KCNK9: variants seen among roughly 807,000 people sequenced by gnomAD.
The protein encoded by KCNK9 is potassium two pore domain channel subfamily K member 9.
In KCNK9, 1 loss-of-function variant was observed where a neutral mutation model predicts 10.8. The observed-to-expected ratio is 0.09, with a 90% CI of 0.03 to 0.44. KCNK9 has a LOEUF of 0.44. KCNK9 is among the 20% of genes least tolerant of loss of function. The probability of loss-of-function intolerance (pLI) is 0.97; values close to 1 mark genes in which losing one functional copy is unlikely to be tolerated. For missense variants in KCNK9, 303 were observed against 515.0 expected, an observed-to-expected ratio of 0.59 and a Z score of 3.98; for synonymous variants, 231 against 222.7, an observed-to-expected ratio of 1.04 and a Z score of -0.33.
chr8:139,608,644 G>C (rs915337047), downstream of KCNK9, among the ~76,000 whole-genome samples: 6 of 152,146 alleles, frequency 3.9e-5, no homozygotes, highest in Admixed American at 2.0e-4. Context: ...CGGGGTGGGG[G>C]TGTACCTGCG....
In KCNK9 at chr8:139,644,723, C is replaced by G. The variant is rs373322663; in HGVS notation, c.284-25624G>C. On this transcript the variant is annotated intron_variant, in intron 1 of 1. Coordinates refer to ENST00000520439, the MANE Select transcript of KCNK9 (RefSeq NM_001282534.2). ...GGGGTGCTCCTGCCCTGTCCCCCCC[C>G]CCCAGAGCCTCCCACTGCCCTCTGG... 9.3e-3 allele frequency among the ~76,000 whole-genome samples: 1,393 copies of G among 150,364 alleles called. 25 individuals carry two copies. The highest frequency in any genetic ancestry group is 0.032 in the African/African-American group (1,296 of 41,098).
chr8:139,671,808 G>A (rs1816434039), intron 1 of KCNK9, among the ~76,000 whole-genome samples: 1 of 152,094 alleles, frequency 6.6e-6, no homozygotes, highest in African/African-American at 2.4e-5. Context: ...TGATCCACCT[G>A]CCTCAGCCTC....
At chr8:139,606,300 T>G (rs1422397659) in intron 2 of KCNK9, among the ~76,000 whole-genome samples, 1 of 152,104 alleles carries the variant, frequency 6.6e-6, no homozygotes, top group South Asian at 2.1e-4. Context: ...AGGCCTCCGG[T>G]AGCATCTTCA....
downstream of KCNK9, among the ~76,000 whole-genome samples, chr8:139,615,026 T>A (rs1814538201): frequency 6.6e-6 from 1 of 152,190 alleles, no homozygotes; most frequent in Non-Finnish European, 1.5e-5. Flanking sequence ...CCTTGCTGAA[T>A]GGGCATGGTT....
Position 139,669,776 on chromosome 8 carries a change from A to G in KCNK9, c.283+32934T>C, listed in dbSNP as rs570769198. Among the ~76,000 whole-genome samples, 20 of 151,290 alleles carry G rather than the reference A, an allele frequency of 1.3e-4. No homozygotes were observed. In the East Asian group the frequency reaches 3.3e-3, roughly 25 times the overall value. ...ATATGGAATGGTATATTCCTTCTAA[A>G]AGGTTTTCTATTTACTTTGCCGAGA... On this transcript the variant is annotated intron_variant, in intron 1 of 1. Transcript: ENST00000520439.
chr8:139,665,517 C>T (rs1816275718), intron 1 of KCNK9, among the ~76,000 whole-genome samples: 1 of 152,236 alleles, frequency 6.6e-6, no homozygotes, highest in African/African-American at 2.4e-5. Context: ...TGGAAGGTAA[C>T]ATCCACAGAT....
intron 1 of KCNK9, among the ~76,000 whole-genome samples, chr8:139,641,256 A>G (rs1586655429): frequency 6.6e-6 from 1 of 152,082 alleles, no homozygotes; most frequent in Non-Finnish European, 1.5e-5. Flanking sequence ...TTGCAGCTGC[A>G]CCCAGCACCC....
chr8:139,647,467 G>A (rs1023350590), intron 1 of KCNK9, among the ~76,000 whole-genome samples: 8 of 152,218 alleles, frequency 5.3e-5, no homozygotes, highest in Non-Finnish European at 1.2e-4. Flanking sequence ...GACAGTGCAT[G>A]CCCAGCATGA....
At chr8:139,670,656 T>C (rs760130275) in intron 1 of KCNK9, among the ~76,000 whole-genome samples, 2 of 152,110 alleles carry the variant, frequency 1.3e-5, no homozygotes, top group Admixed American at 6.5e-5. Context: ...AAAAGACAAA[T>C]ATATTTGAAA....
At chr8:139,665,100 C>A (rs891900846) in intron 1 of KCNK9, among the ~76,000 whole-genome samples, 1 of 152,198 alleles carries the variant, frequency 6.6e-6, no homozygotes, top group Admixed American at 6.5e-5. Context: ...TTGCCATGAA[C>A]TCGGTGGCTT....
intron 1 of KCNK9, among the ~76,000 whole-genome samples, chr8:139,674,048 C>T (rs895105484): frequency 6.6e-6 from 1 of 152,212 alleles, no homozygotes; most frequent in Non-Finnish European, 1.5e-5. Flanking sequence ...GACAGGAACC[C>T]CAGGCTTGTT....
At chr8:139,699,553 A>G (rs1467074918) in intron 1 of KCNK9, among the ~76,000 whole-genome samples, 1 of 152,216 alleles carries the variant, frequency 6.6e-6, no homozygotes, top group Non-Finnish European at 1.5e-5. Flanking sequence ...AAATAGCTAC[A>G]AGTGGCACAG....
chr8:139,663,687 G>GTT (rs1216407876), intron 1 of KCNK9, among the ~76,000 whole-genome samples: 4 of 151,212 alleles, frequency 2.6e-5, no homozygotes, highest in Admixed American at 6.6e-5. Flanking sequence ...GTGTGTTAGA[G>GTT]AGAGAGATAG....
intron 1 of KCNK9, among the ~76,000 whole-genome samples, chr8:139,646,727 G>A (rs1815697347): frequency 6.6e-6 from 1 of 152,224 alleles, no homozygotes; most frequent in Admixed American, 6.5e-5. Flanking sequence ...CATCTTTCCA[G>A]GCTTTTGAAA....
At chr8:139,642,649 G>T (rs1018556844) in intron 1 of KCNK9, among the ~76,000 whole-genome samples, 1 of 152,218 alleles carries the variant, frequency 6.6e-6, no homozygotes, top group African/African-American at 2.4e-5. Flanking sequence ...ATTCAGTGGG[G>T]AGCAGCCACT....
chr8:139,653,590 A>G (rs1227989584), intron 1 of KCNK9, among the ~76,000 whole-genome samples: 2 of 151,130 alleles, frequency 1.3e-5, no homozygotes, highest in East Asian at 3.9e-4. Context: ...TGAGCCCTGT[A>G]GGGGAGCAGG....
At chr8:139,622,791 A>G (rs1333193426) in intron 1 of KCNK9, among the ~76,000 whole-genome samples, 2 of 152,224 alleles carry the variant, frequency 1.3e-5, no homozygotes, top group African/African-American at 4.8e-5. Context: ...CAGGCCTGCG[A>G]ATATTAAGTC....
chr8:139,652,160 A>T (rs1363089925), intron 1 of KCNK9, among the ~76,000 whole-genome samples: 1 of 152,164 alleles, frequency 6.6e-6, no homozygotes, highest in Non-Finnish European at 1.5e-5. Context: ...CATGATCCCC[A>T]GCTTGCAGAG....
At chr8:139,658,099 G>T (rs180739092) in intron 1 of KCNK9, among the ~76,000 whole-genome samples, 1 of 152,358 alleles carries the variant, frequency 6.6e-6, no homozygotes, top group East Asian at 1.9e-4. Context: ...CACTCAGATG[G>T]ATCAAATCAG....
Sources: gnomAD v4.1 joint callset for allele counts (sites outside exome capture counted in the v4.1 genomes callset) on GRCh38, gnomAD v4.1.1 for gene constraint, MANE v1.5 for transcripts, NCBI Gene and HGNC (gene_info 2026-07-23, HGNC 2026-07-21) for gene names.